Variants in COL4A2 observed in about 807,000 individuals in gnomAD.
COL4A2 encodes collagen type IV alpha 2 chain.
Under a neutral mutation model 200.2 loss-of-function variants are expected in COL4A2, and 99 were observed. That is an observed-to-expected ratio of 0.49 (90% CI 0.42 to 0.58). The LOEUF is 0.58. Ranked by LOEUF, COL4A2 falls within the 20% of genes least tolerant of loss-of-function variation. The pLI, the probability that COL4A2 is intolerant of heterozygous loss-of-function variation, is 0.00. For missense variants in COL4A2, 1,950 were observed against 2,314.1 expected, an observed-to-expected ratio of 0.84 and a Z score of 3.23; for synonymous variants, 897 against 900.6, an observed-to-expected ratio of 1.00 and a Z score of 0.07.
chr13:110,496,734 A>G (rs7995264), intron 40 of COL4A2, among the ~76,000 whole-genome samples: 106 of 104,772 alleles, frequency 1.0e-3, no homozygotes, highest in Non-Finnish European at 1.1e-3. Context: ...TGAGGATCTA[A>G]GGTCAGTCCA....
rs112139723 is a variant in COL4A2, at chr13:110,494,774, G to A, written c.3635-568G>A. Among the ~76,000 whole-genome samples, 24 of 152,260 alleles carry A rather than the reference G, an allele frequency of 1.6e-4. 1 individual carries two copies. The highest frequency in any genetic ancestry group is 4.8e-4 in the African/African-American group (20 of 41,562). ...AATCCTAAAGCTGCTTTTAGAATGTGCTGTTTGTAGACATTTCATATAACC... is the reference window on the plus strand; with the variant it reads ...AATCCTAAAGCTGCTTTTAGAATGTACTGTTTGTAGACATTTCATATAACC... On this transcript the variant is annotated intron_variant, in intron 39 of 47. Coordinates refer to ENST00000360467, the MANE Select transcript of COL4A2 (RefSeq NM_001846.4).
chr13:110,512,890 G>A lies in COL4A2; in HGVS notation c.*699G>A, dbSNP rs1347642121. ...GCTACTTGAAGGTACACCCCATAGG[G>A]TCGGAGGTGCTGTCCCCACTGCCCC... On this transcript the variant is annotated 3_prime_UTR_variant, in exon 48 of 48. Transcript: ENST00000360467. The A allele has an allele frequency of 6.6e-6, 1 of 152,234 alleles. No individual in the cohort carries two copies. The highest frequency in any genetic ancestry group is 2.4e-5 in the African/African-American group (1 of 41,422). 9.4% of individuals were successfully genotyped at this position (152,234 alleles called of 1,614,324 possible). A position where few individuals can be genotyped will look rare whatever the true frequency, so the allele number is the denominator to read the frequency against.
chr13:110,356,859 C>G (rs1206704397), intron 3 of COL4A2, among the ~76,000 whole-genome samples: 1 of 151,788 alleles, frequency 6.6e-6, no homozygotes, highest in Non-Finnish European at 1.5e-5. Context: ...CTCCACCTCC[C>G]GGTTCAAGCG....
intron 16 of COL4A2, among the ~76,000 whole-genome samples, chr13:110,442,659 T>C (rs1463622298): frequency 2.0e-5 from 3 of 152,248 alleles, no homozygotes; most frequent in African/African-American, 7.2e-5. Context: ...GAACTTCTAT[T>C]AGTTCCAGCC....
intron 4 of COL4A2, among the ~76,000 whole-genome samples, chr13:110,401,449 G>A (rs1879366351): frequency 6.6e-6 from 1 of 152,196 alleles, no homozygotes; most frequent in Non-Finnish European, 1.5e-5. Context: ...AGACAATGGA[G>A]CTCTGTTTAT....
chr13:110,424,345 A>G (rs72657920), intron 4 of COL4A2, among the ~76,000 whole-genome samples: 13,133 of 150,374 alleles, frequency 0.087, 702 homozygotes, highest in African/African-American at 0.15. Context: ...TGCAATACAC[A>G]TTTCCACAGT....
chr13:110,330,240 G>A (rs1875844641), intron 3 of COL4A2, among the ~76,000 whole-genome samples: 1 of 152,146 alleles, frequency 6.6e-6, no homozygotes, highest in Non-Finnish European at 1.5e-5. Context: ...GGAATTTTCG[G>A]TATTATAACG....
intron 10 of COL4A2, 57 bp downstream of exon 10, chr13:110,430,664 G>A (rs1236225806): frequency 1.9e-6 from 3 of 1,609,254 alleles, no homozygotes; most frequent in Admixed American, 1.7e-5. Flanking sequence ...ATCCCTTCCA[G>A]ATGCCACTTC....
chr13:110,421,189 C>G (rs1880237330), intron 4 of COL4A2, among the ~76,000 whole-genome samples: 1 of 152,168 alleles, frequency 6.6e-6, no homozygotes, highest in South Asian at 2.1e-4. Context: ...TTAGCAATAC[C>G]TCAAATATGT....
chr13:110,321,773 C>T (rs1885284502), intron 3 of COL4A2, among the ~76,000 whole-genome samples: 3 of 152,166 alleles, frequency 2.0e-5, no homozygotes, highest in South Asian at 4.1e-4. Context: ...TCACGTCTTA[C>T]ATGGATGGCA....
intron 34 of COL4A2, among the ~76,000 whole-genome samples, chr13:110,488,180 C>T (rs1037536531): frequency 7.9e-5 from 12 of 152,160 alleles, no homozygotes; most frequent in African/African-American, 2.2e-4. Context: ...CGCACGCCAC[C>T]ACGCCCAGCT....
chr13:110,479,534 GC>G (rs1432222550), intron 30 of COL4A2, among the ~76,000 whole-genome samples: 2 of 152,270 alleles, frequency 1.3e-5, no homozygotes, highest in Non-Finnish European at 2.9e-5. Context: ...ATTTGAGGGG[GC>G]TGGGGGTTTA....
At chr13:110,414,059 C>T (rs988672312) in intron 4 of COL4A2, among the ~76,000 whole-genome samples, 5 of 152,222 alleles carry the variant, frequency 3.3e-5, no homozygotes, top group Admixed American at 2.0e-4. Flanking sequence ...CCTGTAACCC[C>T]AGCACTTTGG....
chr13:110,510,821 C>T (rs577093417), intron 47 of COL4A2, among the ~76,000 whole-genome samples: 31 of 152,248 alleles, frequency 2.0e-4, no homozygotes, highest in Non-Finnish European at 4.6e-4. Flanking sequence ...CAGCTCCCAG[C>T]ATGGCCTCAG....
At position 110,513,135 on chromosome 13, in the gene COL4A2, T is replaced by C. The variant is rs999844979; in HGVS notation, c.*944T>C. 2.0e-5 allele frequency: 3 copies of C among 152,140 alleles called. No individual in the cohort carries two copies. The highest frequency in any genetic ancestry group is 7.2e-5 in the African/African-American group (3 of 41,414). 9.4% of individuals were successfully genotyped at this position (152,140 alleles called of 1,614,324 possible). A position where few individuals can be genotyped will look rare whatever the true frequency, so the allele number is the denominator to read the frequency against. ...CGCTGCTGTTTTTAATCCATCTCAG[T>C]AGAGTTGAACCCATTCGTGGTATTA... On this transcript the variant is annotated 3_prime_UTR_variant, in exon 48 of 48. Coordinates refer to ENST00000360467, the MANE Select transcript of COL4A2 (RefSeq NM_001846.4).
At chr13:110,434,618 A>G (rs1027489694) in intron 12 of COL4A2, among the ~76,000 whole-genome samples, 176 bp downstream of exon 12, 2 of 152,260 alleles carry the variant, frequency 1.3e-5, no homozygotes, top group Middle Eastern at 3.2e-3. Context: ...CCTACATACC[A>G]GTGATAATTC....
chr13:110,433,598 G>T (rs954540777), intron 11 of COL4A2, among the ~76,000 whole-genome samples: 1 of 152,258 alleles, frequency 6.6e-6, no homozygotes, highest in Non-Finnish European at 1.5e-5. Flanking sequence ...GGACATTGGA[G>T]GGGGCGGACG....
chr13:110,458,748 G>A (rs1156559037), intron 21 of COL4A2, 23 bp from the exon 22 acceptor site: 1 of 1,613,576 alleles, frequency 6.2e-7, no homozygotes, highest in Non-Finnish European at 8.5e-7. Flanking sequence ...GAACAAGGAG[G>A]CCCTCCTCTC....
At chr13:110,415,423 T>C (rs1880003007) in intron 4 of COL4A2, among the ~76,000 whole-genome samples, 1 of 152,114 alleles carries the variant, frequency 6.6e-6, no homozygotes. Context: ...GGAGTTCTAT[T>C]TAAAGCATGT....
Sources: gnomAD v4.1 joint callset for allele counts (sites outside exome capture counted in the v4.1 genomes callset) on GRCh38, gnomAD v4.1.1 for gene constraint, MANE v1.5 for transcripts, NCBI Gene and HGNC (gene_info 2026-07-23, HGNC 2026-07-21) for gene names.